Variants in CCDC7 observed in about 807,000 individuals in gnomAD.
The protein encoded by CCDC7 is coiled-coil domain-containing protein 7.
CCDC7 carries 183 observed loss-of-function variants against 196.9 expected under a neutral mutation model. That is an observed-to-expected ratio of 0.93 (90% CI 0.82 to 1.05). The LOEUF (loss-of-function observed/expected upper bound fraction) is 1.05, where lower values mean the gene tolerates loss of function less well. Ranked by LOEUF, CCDC7 falls within the 50% of genes least tolerant of loss-of-function variation. The pLI is 0.00. For missense variants in CCDC7, 1,540 were observed against 1,482.2 expected (o/e 1.04, Z -0.64); for synonymous variants, 525 against 484.6 (o/e 1.08, Z -1.10).
upstream of CCDC7, among the ~76,000 whole-genome samples, chr10:32,445,759 G>A (rs7922629): frequency 0.063 from 9,536 of 152,230 alleles, 948 homozygotes; most frequent in African/African-American, 0.21. Context: ...TTCCGTGCGA[G>A]CTTAGAGTGG....
At chr10:32,673,840 G>A (rs946843268) in intron 21 of CCDC7, among the ~76,000 whole-genome samples, 1 of 151,964 alleles carries the variant, frequency 6.6e-6, no homozygotes, top group African/African-American at 2.4e-5. Context: ...GTCTTGGTAG[G>A]TTATTGGTAG....
chr10:32,559,837 G>A (rs1376412642), intron 13 of CCDC7, among the ~76,000 whole-genome samples: 2 of 152,342 alleles, frequency 1.3e-5, no homozygotes, highest in Admixed American at 6.5e-5. Context: ...ACTTTGACGA[G>A]TTGAGAGAAG....
At chr10:32,476,784 T>A (rs910456401) in intron 8 of CCDC7, among the ~76,000 whole-genome samples, 2 of 152,224 alleles carry the variant, frequency 1.3e-5, no homozygotes, top group African/African-American at 4.8e-5. Flanking sequence ...TTCATTGTTT[T>A]CATTTGCAGT....
At chr10:32,464,989 A>G (rs939323610) in intron 5 of CCDC7, among the ~76,000 whole-genome samples, 3 of 152,096 alleles carry the variant, frequency 2.0e-5, no homozygotes, top group African/African-American at 7.2e-5. Flanking sequence ...ATTATTTTGT[A>G]TGCAAATTTA....
At chr10:32,598,264 A>T (rs1486616112) in intron 18 of CCDC7, among the ~76,000 whole-genome samples, 1 of 152,160 alleles carries the variant, frequency 6.6e-6, no homozygotes, top group African/African-American at 2.4e-5. Context: ...CTGCTGTGCT[A>T]GCAATGAGTG....
intron 16 of CCDC7, among the ~76,000 whole-genome samples, chr10:32,575,173 A>G (rs1199883192): frequency 6.6e-6 from 1 of 152,232 alleles, no homozygotes; most frequent in Non-Finnish European, 1.5e-5. Flanking sequence ...CAAGGAAGGT[A>G]TTAACAATGA....
chr10:32,549,462 G>A (rs988306890), intron 13 of CCDC7, among the ~76,000 whole-genome samples: 1 of 152,120 alleles, frequency 6.6e-6, no homozygotes, highest in African/African-American at 2.4e-5. Context: ...ATTTGCTTTT[G>A]GGTTCCTGGT....
chr10:32,771,141 A>T (rs1174203090), intron 28 of CCDC7, among the ~76,000 whole-genome samples: 1 of 152,018 alleles, frequency 6.6e-6, no homozygotes, highest in Non-Finnish European at 1.5e-5. Flanking sequence ...CTGATTTTTT[A>T]AATTGTGTTT....
chr10:32,753,487 A>G lies in CCDC7; in HGVS notation c.2905+24030A>G, dbSNP rs191842569. Among the ~76,000 whole-genome samples the G allele has an allele frequency of 2.6e-5, 4 of 152,266 alleles. No homozygotes were observed. In the East Asian group the frequency reaches 7.7e-4, roughly 29 times the overall value. On this transcript the variant is annotated intron_variant, in intron 28 of 41. Coordinates refer to ENST00000639629, the Ensembl canonical transcript of CCDC7. ...AATACTACTACTATTACTATTTAGGAGATGAGGAGAGTAAGACATGGAGTA... is the reference window on the plus strand; with the variant it reads ...AATACTACTACTATTACTATTTAGGGGATGAGGAGAGTAAGACATGGAGTA...
chr10:32,539,328 T>C (rs1475331140), intron 11 of CCDC7, among the ~76,000 whole-genome samples: 1 of 152,182 alleles, frequency 6.6e-6, no homozygotes, highest in Non-Finnish European at 1.5e-5. Flanking sequence ...GAGGCGATCA[T>C]AGTAGTTTCT....
At chr10:32,450,760 G>A (rs1169074303), upstream of CCDC7, among the ~76,000 whole-genome samples, 3 of 152,136 alleles carry the variant, frequency 2.0e-5, no homozygotes, top group Non-Finnish European at 4.4e-5. Context: ...GAATAAAGAT[G>A]TATATTAAGG....
rs184655761 is a variant in CCDC7 at position 32,754,695 on chromosome 10, C to G, written c.2906-24282C>G. ...TAGGAACAGCTCCAGTCTACAGCTCCCAGCATGAGCAACGCAGAAGATGGG... is the reference window on the plus strand; with the variant it reads ...TAGGAACAGCTCCAGTCTACAGCTCGCAGCATGAGCAACGCAGAAGATGGG... On this transcript the variant is annotated intron_variant, in intron 28 of 41. Coordinates refer to ENST00000639629, the Ensembl canonical transcript of CCDC7. Among the ~76,000 whole-genome samples the G allele has an allele frequency of 8.6e-4, 131 of 152,242 alleles. 1 individual carries two copies. Among genetic ancestry groups the G allele is most frequent in the African/African-American group, 2.9e-3 (119 of 41,556 alleles).
chr10:32,568,748 G>A (rs1020310316), intron 15 of CCDC7, among the ~76,000 whole-genome samples: 1 of 152,124 alleles, frequency 6.6e-6, no homozygotes, highest in African/African-American at 2.4e-5. Context: ...ATACGGGCTA[G>A]TCATTTACAC....
intron 20 of CCDC7, among the ~76,000 whole-genome samples, chr10:32,656,400 A>C (rs2140271681): frequency 6.6e-6 from 1 of 152,334 alleles, no homozygotes; most frequent in East Asian, 1.9e-4. Flanking sequence ...TGGGTAATTT[A>C]TAAAGAAAAG....
At position 32,459,646 on chromosome 10, in the gene CCDC7, A is replaced by ATTTTTTTTTTTTT. The variant is rs60002951; in HGVS notation, c.457-3022_457-3010dup. Among the ~76,000 whole-genome samples the ATTTTTTTTTTTTT allele has an allele frequency of 9.0e-4, 62 of 68,742 alleles. 7 individuals are homozygous for ATTTTTTTTTTTTT. Among genetic ancestry groups the ATTTTTTTTTTTTT allele is most frequent in the African/African-American group, 2.1e-3 (30 of 13,972 alleles). The allele number at this position is 68,742 out of a possible 152,430, so 45.1% of individuals were successfully genotyped here. On this transcript the variant is annotated intron_variant, in intron 3 of 41. Coordinates refer to ENST00000639629, the Ensembl canonical transcript of CCDC7. Reference sequence around the variant, plus strand: ...AAGCCTTTGGACTTCCCTGCTGCACATTTTTTTTTTTTTTTTTTTTTTTTT... The same window carrying ATTTTTTTTTTTTT: ...AAGCCTTTGGACTTCCCTGCTGCACATTTTTTTTTTTTTTTTTTTTTTTTTTTTTTTTTTTTTT...
intron 20 of CCDC7, among the ~76,000 whole-genome samples, chr10:32,642,922 G>A (rs548522903): frequency 6.6e-6 from 1 of 152,158 alleles, no homozygotes; most frequent in African/African-American, 2.4e-5. Context: ...AGCAGTAAAT[G>A]TAATGATGAA....
intron 11 of CCDC7, among the ~76,000 whole-genome samples, chr10:32,518,894 A>G (rs1316837056): frequency 6.6e-6 from 1 of 152,146 alleles, no homozygotes; most frequent in East Asian, 1.9e-4. Flanking sequence ...AGGATAAAGG[A>G]AAATTTGTTT....
intron 28 of CCDC7, among the ~76,000 whole-genome samples, chr10:32,751,912 G>T (rs998999754): frequency 6.6e-6 from 1 of 152,132 alleles, no homozygotes; most frequent in Admixed American, 6.5e-5. Flanking sequence ...GGCAGAGAAC[G>T]TGATTCAGTG....
intron 11 of CCDC7, 32 bp from the exon 13 acceptor site, chr10:32,543,268 C>G (rs201040397): frequency 1.5e-6 from 2 of 1,350,644 alleles, no homozygotes; most frequent in South Asian, 1.8e-5. Context: ...TGTTTTTAAC[C>G]CTTTATTTCT....
Sources: allele counts gnomAD v4.1 joint callset (sites outside exome capture counted in the v4.1 genomes callset), GRCh38; gene constraint gnomAD v4.1.1; transcripts MANE v1.5; gene names NCBI Gene and HGNC (gene_info 2026-07-23, HGNC 2026-07-21).